Variants in IRS2 observed in about 807,000 individuals in gnomAD.
The protein encoded by IRS2 is insulin receptor substrate 2.
In IRS2, 28 loss-of-function variants were observed where a neutral mutation model predicts 70.9. The ratio of observed to expected loss-of-function variants is 0.39; its 90% CI spans 0.29 to 0.54. The LOEUF (loss-of-function observed/expected upper bound fraction) is 0.54, where lower values mean the gene tolerates loss of function less well. Among genes scored for constraint, IRS2 ranks in the 20% least tolerant of loss-of-function variants. The pLI, the probability that IRS2 is intolerant of heterozygous loss-of-function variation, is 0.59. For synonymous variants in IRS2, 1,217 were observed against 981.9 expected (o/e 1.24, Z -4.48); for missense variants, 2,081 against 2,024.1 (o/e 1.03, Z -0.54).
chr13:109,770,647 G>A (rs376207651), intron 1 of IRS2, among the ~76,000 whole-genome samples: 13 of 152,186 alleles, frequency 8.5e-5, no homozygotes, highest in Non-Finnish European at 1.3e-4. Context: ...GATTGCCTGC[G>A]GGGTGGACAC....
chr13:109,771,732 T>C (rs985787631), intron 1 of IRS2, among the ~76,000 whole-genome samples: 2 of 152,208 alleles, frequency 1.3e-5, no homozygotes, highest in African/African-American at 4.8e-5. Context: ...TTTTTTAAAA[T>C]GCACCAAAGG....
At chr13:109,764,890 A>G (rs1179495745) in intron 1 of IRS2, among the ~76,000 whole-genome samples, 2 of 152,266 alleles carry the variant, frequency 1.3e-5, no homozygotes, top group African/African-American at 4.8e-5. Context: ...GAAGTGGAAC[A>G]GAAGTAGAAT....
chr13:109,765,683 T>C (rs77998677), intron 1 of IRS2, among the ~76,000 whole-genome samples: 4 of 23,742 alleles, frequency 1.7e-4, no homozygotes, highest in Non-Finnish European at 2.6e-4. Flanking sequence ...CTCCTCCACC[T>C]TGGCTCCAAC....
At chr13:109,778,670 C>T (rs1320534142) in intron 1 of IRS2, among the ~76,000 whole-genome samples, 2 of 152,190 alleles carry the variant, frequency 1.3e-5, no homozygotes, top group Admixed American at 6.5e-5. Context: ...CCTTTGGAAA[C>T]ATATCTCTTA....
At chr13:109,764,970 T>A (rs1877304037) in intron 1 of IRS2, among the ~76,000 whole-genome samples, 1 of 152,246 alleles carries the variant, frequency 6.6e-6, no homozygotes, top group Non-Finnish European at 1.5e-5. Context: ...GCTTTCTTCA[T>A]GTCCTGAGGA....
Position 109,785,065 on chromosome 13 carries a change from T to A in IRS2, c.989A>T (p.Asn330Ile), listed in dbSNP as rs2138937386. 1 of 1,568,136 alleles carries A rather than the reference T, an allele frequency of 6.4e-7. No individual in the cohort carries two copies. ...PGARRHHHLV[N>I]LPPSQTGLVR... ...CAGGCCCGTCTGGCTGGGGGGCAGG[T>A]TGACCAGGTGGTGGTGGCGGCGCGC... Residue 330 changes from asparagine to isoleucine, a missense_variant, in exon 1 of 2, where the codon AAC (asparagine) becomes ATC (isoleucine). Physicochemically the swap from Asn to Ile is moderately radical, Grantham distance 149. Around this residue, in one of 4 missense-constraint regions of IRS2, gnomAD observed 111 missense variants for 133.1 expected, o/e 0.83. Transcript: ENST00000375856. This position sits in a 1 kb window ranked among gnomAD's most constrained non-coding sequence, Gnocchi z 9.3.
In IRS2 at chr13:109,754,201, A is replaced by G. The variant is rs1266646753; in HGVS notation, c.*2103T>C. ...TATACATTGTGAAGTTTTAGCAAAC[A>G]TAACATTTATACATTTTGGTTCCAT... is the stretch of plus-strand genomic sequence containing the variant. On this transcript the variant is annotated 3_prime_UTR_variant, in exon 2 of 2. Coordinates refer to ENST00000375856, the MANE Select transcript of IRS2 (RefSeq NM_003749.3). The G allele has an allele frequency of 9.5e-5, 22 of 232,086 alleles. No individual in the cohort carries two copies. The highest frequency in any genetic ancestry group is 2.6e-5 in the Non-Finnish European group (3 of 117,188). The allele number at this position is 232,086 out of a possible 1,614,324, so 14.4% of individuals were successfully genotyped here. A position where few individuals can be genotyped will look rare whatever the true frequency, so the allele number is the denominator to read the frequency against.
At position 109,784,220 on chromosome 13, in the gene IRS2, G is replaced by A. The variant is rs775295986; in HGVS notation, c.1834C>T (p.Leu612Phe). ...GAGGACGCGGGGCAGGACGGGCAGA[G>A]GCGGCCCGCGCTGCCCGAGAAGGTG... The part of the protein sequence containing the change: ...RATFSGSAGR[L>F]CPSCPASSPK... The change falls in exon 1 of 2, where the codon CTC becomes TTC. Residue 612 changes from leucine (L) to phenylalanine (F), a missense_variant. By Grantham distance (22) the Leu-to-Phe change is conservative. Coordinates refer to ENST00000375856, the MANE Select transcript of IRS2 (RefSeq NM_003749.3). The surrounding 1 kb of genome is among the most constrained non-coding windows in gnomAD (Gnocchi z 5.2). The A allele has an allele frequency of 2.5e-6, 4 of 1,570,558 alleles. No homozygotes were observed. Among genetic ancestry groups the A allele is most frequent in the South Asian group, 2.3e-5 (2 of 87,206 alleles).
chr13:109,755,595 A>G lies in IRS2; in HGVS notation c.*709T>C, dbSNP rs551802893. 29 of 202,334 alleles carry G rather than the reference A, an allele frequency of 1.4e-4. No individual in the cohort carries two copies. The highest frequency in any genetic ancestry group is 1.1e-3 in the South Asian group (6 of 5,236). 12.5% of individuals were successfully genotyped at this position (202,334 alleles called of 1,614,324 possible). A position where few individuals can be genotyped will look rare whatever the true frequency, so the allele number is the denominator to read the frequency against. On this transcript the variant is annotated 3_prime_UTR_variant, in exon 2 of 2. Transcript: ENST00000375856. ...AAGTAGGTTGCTTCAGTTACATATA[A>G]TAATTATTATTTAGTAATCCGTCTT...
rs1432096386 is a variant in IRS2 at position 109,785,415 on chromosome 13, C to T, written c.639G>A (p.Leu213=). The T allele has an allele frequency of 3.2e-5, 52 of 1,612,330 alleles. No homozygotes were observed. Among genetic ancestry groups the T allele is most frequent in the Non-Finnish European group, 4.2e-5 (49 of 1,179,896 alleles). The change falls in exon 1 of 2, where the codon CTG becomes CTA. Residue 213 remains leucine (L), a synonymous_variant. Coordinates refer to ENST00000375856, the MANE Select transcript of IRS2 (RefSeq NM_003749.3). The surrounding 1 kb of genome is among the most constrained non-coding windows in gnomAD (Gnocchi z 9.3). The stretch of plus-strand genomic sequence containing the variant: ...ACAGGCACAGACGGTACACCCCCGT[C>T]AGGTTCTTGCTCTGGCCCAGACCCT... The part of the protein sequence containing the change: ...KPKGLGQSKN[L]TGVYRLCLSA...
intron 1 of IRS2, among the ~76,000 whole-genome samples, chr13:109,778,026 A>G (rs1023237805): frequency 6.6e-6 from 1 of 152,220 alleles, no homozygotes; most frequent in Non-Finnish European, 1.5e-5. Context: ...TCAATTTAAG[A>G]GCACCCATTT....
At chr13:109,764,158 G>A (rs12583454) in intron 1 of IRS2, among the ~76,000 whole-genome samples, 2,228 of 152,224 alleles carry the variant, frequency 0.015, 18 homozygotes, top group East Asian at 0.039. Flanking sequence ...CTTCCTAATC[G>A]GCCATATCAA....
intron 1 of IRS2, among the ~76,000 whole-genome samples, chr13:109,760,891 C>T (rs1352217479): frequency 6.6e-6 from 1 of 152,174 alleles, no homozygotes; most frequent in Non-Finnish European, 1.5e-5. Flanking sequence ...GAGCTGGGCA[C>T]CATGACTGCA....
rs1877011930 is a variant in IRS2, at chr13:109,752,753, AT to A, written c.*3550del. On this transcript the variant is annotated 3_prime_UTR_variant, in exon 2 of 2. Transcript: ENST00000375856. Reference sequence around the variant, plus strand: ...ATAACACACACATTATTACATGACTATCATTTTAGGGCAAAGTGGATGCACG... The same window carrying A: ...ATAACACACACATTATTACATGACTACATTTTAGGGCAAAGTGGATGCACG... 1 of 152,214 alleles carries A rather than the reference AT, an allele frequency of 6.6e-6. No homozygotes were observed. Among genetic ancestry groups the A allele is most frequent in the Non-Finnish European group, 1.5e-5 (1 of 68,038 alleles). The allele number at this position is 152,214 out of a possible 1,614,324, so 9.4% of individuals were successfully genotyped here.
intron 1 of IRS2, among the ~76,000 whole-genome samples, chr13:109,769,002 T>G (rs1877395322): frequency 6.6e-6 from 1 of 152,230 alleles, no homozygotes; most frequent in Admixed American, 6.5e-5. Flanking sequence ...AAACGTTAAG[T>G]TTTCAGAATA....
rs769745167 is a variant in IRS2, at chr13:109,784,410, G to A, written c.1644C>T (p.Pro548=). The stretch of plus-strand genomic sequence containing the variant: ...GGTAGGAGCGGCCACAGTGGCTCAG[G>A]GGCCTGTCCATGGTCATGTACCCGT... The part of the protein sequence containing the change: ...EFYGYMTMDR[P]LSHCGRSYRR... The change falls in exon 1 of 2, where the codon CCC becomes CCT. Residue 548 remains proline (P), a synonymous_variant. Coordinates refer to ENST00000375856, the MANE Select transcript of IRS2 (RefSeq NM_003749.3). The surrounding 1 kb of genome is among the most constrained non-coding windows in gnomAD (Gnocchi z 5.2). 6 of 1,610,358 alleles carry A rather than the reference G, an allele frequency of 3.7e-6. No individual in the cohort carries two copies. The highest frequency in any genetic ancestry group is 1.1e-5 in the South Asian group (1 of 91,018).
rs1230152470 is a variant in IRS2, at chr13:109,784,903, G to C, written c.1151C>G (p.Ser384Trp). The C allele has an allele frequency of 9.3e-7, 1 of 1,071,588 alleles. No individual in the cohort carries two copies. The highest frequency in any genetic ancestry group is 1.1e-6 in the Non-Finnish European group (1 of 886,570). The allele number at this position is 1,071,588 out of a possible 1,614,324, so 66.4% of individuals were successfully genotyped here. Residue 384 changes from serine to tryptophan, a missense_variant, in exon 1 of 2, where the codon TCG becomes TGG. Ser to Trp is a radical substitution (Grantham distance 177). This residue lies in a region of IRS2 where 1,615 missense variants were observed against 1,459.5 expected (regional missense o/e 1.11). Coordinates refer to ENST00000375856, the MANE Select transcript of IRS2 (RefSeq NM_003749.3). The surrounding 1 kb of genome is among the most constrained non-coding windows in gnomAD (Gnocchi z 5.2). ...GAAAAGARPVSVAGSPLSPGP... is the reference protein window; with the variant it reads ...GAAAAGARPVWVAGSPLSPGP... ...GGGGCTCAGGGGGCTCCCAGCCACC[G>C]ACACCGGCCTGGCGCCCGCGGCCGC...
rs1356462541 is a variant in IRS2, at chr13:109,783,107, A to G, written c.2947T>C (p.Phe983Leu). ...SPLSDYMNLD[F>L]SSPKSPKPGA... ...GGCTTAGGAGACTTGGGGGAGCTGA[A>G]GTCGAGGTTCATGTAGTCGGAGAGC... The change falls in exon 1 of 2, where the codon TTC becomes CTC. Residue 983 changes from phenylalanine (F) to leucine (L), a missense_variant. Phe to Leu is a conservative substitution (Grantham distance 22, BLOSUM62 0). Transcript: ENST00000375856. The G allele has an allele frequency of 2.2e-6, 3 of 1,390,988 alleles. No individual in the cohort carries two copies. The highest frequency in any genetic ancestry group is 3.4e-5 in the Admixed American group (1 of 29,380). 86.2% of individuals were successfully genotyped at this position (1,390,988 alleles called of 1,614,324 possible).
At chr13:109,764,420 G>A (rs893410613) in intron 1 of IRS2, among the ~76,000 whole-genome samples, 2 of 152,268 alleles carry the variant, frequency 1.3e-5, no homozygotes, top group East Asian at 3.9e-4. Context: ...GAATTCCCCA[G>A]TGGAGTCACA....
Sources: allele counts gnomAD v4.1 joint callset (sites outside exome capture counted in the v4.1 genomes callset), GRCh38; gene constraint gnomAD v4.1.1; regional missense constraint gnomAD v4.1.1; non-coding constraint Gnocchi (gnomAD v3.1); transcripts MANE v1.5; gene names NCBI Gene and HGNC (gene_info 2026-07-23, HGNC 2026-07-21).